Variants in SPSB4 observed in about 807,000 individuals in gnomAD.
SPSB4 encodes splA/ryanodine receptor domain and SOCS box containing 4.
Under a neutral mutation model 20.9 loss-of-function variants are expected in SPSB4, and 21 were observed. The observed-to-expected ratio is 1.01, with a 90% CI of 0.71 to 1.45. SPSB4 has a LOEUF of 1.45. SPSB4 is among the 40% of genes most tolerant of loss of function. The pLI is 0.00. For synonymous variants in SPSB4, 207 were observed against 183.8 expected, an observed-to-expected ratio of 1.13 and a Z score of -1.02; for missense variants, 399 against 399.2, an observed-to-expected ratio of 1.00 and a Z score of 0.00.
At chr3:141,141,294 C>G (rs1201047516) in intron 2 of SPSB4, among the ~76,000 whole-genome samples, 3 of 152,216 alleles carry the variant, frequency 2.0e-5, no homozygotes, top group Admixed American at 6.5e-5. Flanking sequence ...GAGGCGACGC[C>G]TCGCCCTGCT....
At chr3:141,128,402 T>C (rs954077820) in intron 2 of SPSB4, among the ~76,000 whole-genome samples, 1 of 152,138 alleles carries the variant, frequency 6.6e-6, no homozygotes, top group Admixed American at 6.5e-5. Context: ...GGTCAGTGGA[T>C]GACAGCATCA....
chr3:141,137,361 C>T lies in SPSB4; in HGVS notation c.695-9781C>T, dbSNP rs573763799. On this transcript the variant is annotated intron_variant, in intron 2 of 2. Transcript: ENST00000310546. ...TGCCTGATTGCCCTGTCCAGAACTT[C>T]CAACACTATGTTGAATAGGAGTGGT... is the stretch of plus-strand genomic sequence containing the variant. Among the ~76,000 whole-genome samples the T allele has an allele frequency of 3.0e-3, 461 of 152,296 alleles. 3 individuals carry two copies. The highest frequency in any genetic ancestry group is 0.018 in the South Asian group (89 of 4,828).
intron 2 of SPSB4, among the ~76,000 whole-genome samples, chr3:141,093,174 G>T (rs553884663): frequency 1.3e-5 from 2 of 152,192 alleles, no homozygotes; most frequent in Admixed American, 1.3e-4. Context: ...CAGAGGGAGT[G>T]CAGGGAGACG....
intron 2 of SPSB4, among the ~76,000 whole-genome samples, chr3:141,102,647 C>T (rs1938629768): frequency 6.6e-6 from 1 of 151,806 alleles, no homozygotes; most frequent in African/African-American, 2.4e-5. Context: ...GGGAGCATGG[C>T]AGGAAAAAAA....
Position 141,130,882 on chromosome 3 carries a change from C to A in SPSB4, c.695-16260C>A, listed in dbSNP as rs115957510. Among the ~76,000 whole-genome samples, 1,126 of 152,314 alleles carry A rather than the reference C, an allele frequency of 7.4e-3. 19 individuals carry two copies. The highest frequency in any genetic ancestry group is 0.025 in the African/African-American group (1,058 of 41,566). On this transcript the variant is annotated intron_variant, in intron 2 of 2. Transcript: ENST00000310546. ...GGAAAATTAAGGAATATTCAGATCA[C>A]TGGAGAACTTTTGAAATGATTACCT...
rs763040261 is a variant in SPSB4, at chr3:141,066,496, C to A, written c.392C>A (p.Ala131Glu). 1.3e-6 allele frequency: 2 copies of A among 1,501,012 alleles called. No homozygotes were observed. The highest frequency in any genetic ancestry group is 1.8e-6 in the Non-Finnish European group (2 of 1,124,366). The allele number at this position is 1,501,012 out of a possible 1,614,324, so 93.0% of individuals were successfully genotyped here. Residue 131 changes from alanine (A) to glutamate (E), a missense_variant, in exon 2 of 3, where the codon GCG (alanine) becomes GAG (glutamate). Ala to Glu is a moderately radical substitution (Grantham distance 107). Coordinates refer to ENST00000310546, the MANE Select transcript of SPSB4 (RefSeq NM_080862.3). ...CCCCTGCACTCCGTGGGCTACACGG[C>A]GCTGGTAGGCAGTGACGCCGAGTCG... The part of the protein sequence containing the change: ...RAPLHSVGYT[A>E]LVGSDAESWG...
At chr3:141,074,677 T>C (rs1451744775) in intron 2 of SPSB4, among the ~76,000 whole-genome samples, 1 of 152,238 alleles carries the variant, frequency 6.6e-6, no homozygotes, top group Non-Finnish European at 1.5e-5. Context: ...GTGACTTGCC[T>C]GGTGGACATG....
intron 2 of SPSB4, among the ~76,000 whole-genome samples, chr3:141,087,609 A>G (rs1248231116): frequency 6.6e-6 from 1 of 152,150 alleles, no homozygotes; most frequent in African/African-American, 2.4e-5. Flanking sequence ...TGTGTGATGT[A>G]CCCATTTTCC....
chr3:141,131,967 C>T (rs369973026), intron 2 of SPSB4, among the ~76,000 whole-genome samples: 17 of 152,246 alleles, frequency 1.1e-4, no homozygotes, highest in African/African-American at 4.1e-4. Context: ...GCACTTAATA[C>T]TATCTTTTTC....
chr3:141,132,656 A>G (rs868737193), intron 2 of SPSB4, among the ~76,000 whole-genome samples: 54 of 116,192 alleles, frequency 4.6e-4, no homozygotes, highest in African/African-American at 1.9e-3. Flanking sequence ...GTGTGTGTAT[A>G]TATATATATA....
intron 2 of SPSB4, among the ~76,000 whole-genome samples, chr3:141,079,867 G>A (rs1938194272): frequency 6.6e-6 from 1 of 151,938 alleles, no homozygotes; most frequent in South Asian, 2.1e-4. Context: ...TAGGGGAAGA[G>A]CGAGTCAGTG....
chr3:141,098,924 G>A lies in SPSB4; in HGVS notation c.694+32126G>A, dbSNP rs772358410. ...GTCCAAGAGCATGGCATTGGCATCC[G>A]GCGAGGGTCATCCCATGGTAGAAGG... On this transcript the variant is annotated intron_variant, in intron 2 of 2. Coordinates refer to ENST00000310546, the MANE Select transcript of SPSB4 (RefSeq NM_080862.3). 4.6e-5 allele frequency among the ~76,000 whole-genome samples: 7 copies of A among 152,114 alleles called. No homozygotes were observed. In the South Asian group the frequency reaches 8.3e-4, roughly 18 times the overall value.
At chr3:141,138,536 C>G (rs936628857) in intron 2 of SPSB4, among the ~76,000 whole-genome samples, 4 of 152,090 alleles carry the variant, frequency 2.6e-5, no homozygotes, top group Non-Finnish European at 4.4e-5. Flanking sequence ...TATGTTGTGT[C>G]TTTGTTCTCG....
At chr3:141,145,162 T>C (rs1939393171) in intron 2 of SPSB4, among the ~76,000 whole-genome samples, 2 of 151,806 alleles carry the variant, frequency 1.3e-5, no homozygotes. Flanking sequence ...ATTCTGAAGA[T>C]TTTGTACAAG....
At chr3:141,126,182 A>T (rs1371539223) in intron 2 of SPSB4, among the ~76,000 whole-genome samples, 1 of 152,236 alleles carries the variant, frequency 6.6e-6, no homozygotes, top group African/African-American at 2.4e-5. Context: ...AGAGAAGCTC[A>T]GAGAGGGAAG....
At chr3:141,118,265 T>C (rs1938911799) in intron 2 of SPSB4, among the ~76,000 whole-genome samples, 1 of 152,266 alleles carries the variant, frequency 6.6e-6, no homozygotes, top group African/African-American at 2.4e-5. Context: ...CATTTTTTCA[T>C]ATGTCTGTTG....
chr3:141,074,074 T>C (rs1389100903), intron 2 of SPSB4, among the ~76,000 whole-genome samples: 1 of 152,182 alleles, frequency 6.6e-6, no homozygotes, highest in Non-Finnish European at 1.5e-5. Context: ...GGTGACAGCA[T>C]TTGAAATCAG....
intron 2 of SPSB4, among the ~76,000 whole-genome samples, chr3:141,141,463 A>G (rs1023241595): frequency 6.6e-6 from 1 of 152,178 alleles, no homozygotes; most frequent in Non-Finnish European, 1.5e-5. Flanking sequence ...CTATTCGGCC[A>G]TCTTGGCTCC....
chr3:141,131,827 T>C lies in SPSB4; in HGVS notation c.695-15315T>C, dbSNP rs1019151807. Among the ~76,000 whole-genome samples the C allele has an allele frequency of 3.3e-5, 5 of 152,226 alleles. No homozygotes were observed. In the South Asian group the frequency reaches 1.0e-3, roughly 32 times the overall value. On this transcript the variant is annotated intron_variant, in intron 2 of 2. Coordinates refer to ENST00000310546, the MANE Select transcript of SPSB4 (RefSeq NM_080862.3). The stretch of plus-strand genomic sequence containing the variant: ...AACATTTTGGTGAACATGTATATGC[T>C]TTTCTGTTAGGTGTTTACCCAGGAG...
Sources: gnomAD v4.1 joint callset for allele counts (sites outside exome capture counted in the v4.1 genomes callset) on GRCh38, gnomAD v4.1.1 for gene constraint, MANE v1.5 for transcripts, NCBI Gene and HGNC (gene_info 2026-07-23, HGNC 2026-07-21) for gene names.